Variants in PROS1 observed in about 807,000 individuals in gnomAD.
The protein encoded by PROS1 is vitamin K-dependent protein S.
Under a neutral mutation model 75.9 loss-of-function variants are expected in PROS1, and 29 were observed. The ratio of observed to expected loss-of-function variants is 0.38; its 90% CI spans 0.28 to 0.52. The LOEUF is 0.52. PROS1 is among the 20% of genes least tolerant of loss of function. The pLI is 0.83. For missense variants in PROS1, 680 were observed against 810.3 expected, an observed-to-expected ratio of 0.84 and a Z score of 1.95; for synonymous variants, 245 against 280.6, an observed-to-expected ratio of 0.87 and a Z score of 1.27.
At position 93,910,692 on chromosome 3, in the gene PROS1, A is replaced by T; in HGVS notation, c.273T>A (p.Ser91=). Residue 91 remains serine, a synonymous_variant, in exon 4 of 15, where the codon TCT becomes TCA. Coordinates refer to ENST00000394236, the MANE Select transcript of PROS1 (RefSeq NM_000313.4). ...FYPKYLVCLR[S]FQTGLFTAAR... ...CAGCAGTGAATAACCCAGTTTGAAA[A>T]GAGCGAAGACAAACTGAAAATAAAA... 1 of 1,612,782 alleles carries T rather than the reference A, an allele frequency of 6.2e-7. No individual in the cohort carries two copies. Among genetic ancestry groups the T allele is most frequent in the Non-Finnish European group, 8.5e-7 (1 of 1,179,084 alleles).
intron 1 of PROS1, among the ~76,000 whole-genome samples, chr3:93,938,611 C>G (rs1254475747): frequency 6.6e-6 from 1 of 152,186 alleles, no homozygotes; most frequent in Non-Finnish European, 1.5e-5. Flanking sequence ...ACTCTCTTCT[C>G]CAGCCTCTCT....
chr3:93,941,673 C>G (rs867029704), intron 1 of PROS1, among the ~76,000 whole-genome samples: 14 of 152,280 alleles, frequency 9.2e-5, no homozygotes, highest in Middle Eastern at 6.8e-3. Context: ...CAGGGCTGTG[C>G]AGTTGGAATT....
rs1323434326 is a variant in PROS1, at chr3:93,942,404, C to T, written c.77-14997G>A. Among the ~76,000 whole-genome samples, 4 of 152,180 alleles carry T rather than the reference C, an allele frequency of 2.6e-5. No homozygotes were observed. The East Asian group carries it at 7.7e-4, about 29-fold the overall frequency. On this transcript the variant is annotated intron_variant, in intron 1 of 14. Transcript: ENST00000394236. ...CATTAATGCCTCTTTAATGAAAACT[C>T]TTCTCAAGGCTGCTTTACTTCCAAA...
At chr3:93,889,151 C>T (rs1427233427) in intron 10 of PROS1, among the ~76,000 whole-genome samples, 6 of 152,144 alleles carry the variant, frequency 3.9e-5, no homozygotes, top group Non-Finnish European at 8.8e-5. Context: ...ATCAGAGATG[C>T]CTTTCCTGAT....
chr3:93,954,558 C>A (rs1056952180), intron 1 of PROS1, among the ~76,000 whole-genome samples: 1 of 152,120 alleles, frequency 6.6e-6, no homozygotes, highest in African/African-American at 2.4e-5. Flanking sequence ...TTCCTTACAC[C>A]TTATACAAAA....
intron 1 of PROS1, among the ~76,000 whole-genome samples, chr3:93,956,145 T>TA: frequency 1.3e-5 from 2 of 152,284 alleles, no homozygotes; most frequent in East Asian, 3.9e-4. Context: ...TATTCAAAGG[T>TA]ATCTACAAAT....
At chr3:93,883,300 A>T (rs1381661101) in intron 12 of PROS1, among the ~76,000 whole-genome samples, 1 of 152,156 alleles carries the variant, frequency 6.6e-6, no homozygotes, top group Non-Finnish European at 1.5e-5. Flanking sequence ...CTGAGCTGCT[A>T]TGATGAAAAA....
chr3:93,936,050 A>T (rs1709178135), intron 1 of PROS1, among the ~76,000 whole-genome samples: 1 of 150,442 alleles, frequency 6.6e-6, no homozygotes. Context: ...TTTTCATTGT[A>T]CTTGGCAAGG....
chr3:93,919,030 TA>T (rs1708905000), intron 3 of PROS1, among the ~76,000 whole-genome samples: 1 of 152,196 alleles, frequency 6.6e-6, no homozygotes. Flanking sequence ...TACTAACCAC[TA>T]AGTGTTACAC....
intron 1 of PROS1, among the ~76,000 whole-genome samples, chr3:93,947,727 C>A (rs534556697): frequency 1.3e-5 from 2 of 151,938 alleles, no homozygotes; most frequent in South Asian, 2.1e-4. Flanking sequence ...CCACCACACC[C>A]GGCTAATTTT....
chr3:93,968,366 G>C (rs1179337972), intron 1 of PROS1, among the ~76,000 whole-genome samples: 3 of 152,162 alleles, frequency 2.0e-5, no homozygotes, highest in African/African-American at 7.2e-5. Context: ...AGGAACATCT[G>C]AGGTTACCAG....
intron 2 of PROS1, 144 bp from the exon 3 acceptor site, chr3:93,924,408 TA>T: frequency 2.5e-6 from 1 of 400,192 alleles, no homozygotes; most frequent in South Asian, 7.9e-5. Context: ...TTTTATATAG[TA>T]AAATATACCA....
chr3:93,955,980 T>C (rs771111244), intron 1 of PROS1, among the ~76,000 whole-genome samples: 1 of 152,200 alleles, frequency 6.6e-6, no homozygotes, highest in African/African-American at 2.4e-5. Flanking sequence ...CCTGACTATA[T>C]AACAGAAGAT....
At chr3:93,877,959 T>G (rs939622268) in intron 13 of PROS1, among the ~76,000 whole-genome samples, 4 of 152,192 alleles carry the variant, frequency 2.6e-5, no homozygotes, top group Non-Finnish European at 5.9e-5. Context: ...GTTATTGTGT[T>G]GTACATGTCC....
intron 1 of PROS1, among the ~76,000 whole-genome samples, chr3:93,946,292 T>C (rs1025873960): frequency 3.3e-5 from 5 of 152,100 alleles, no homozygotes; most frequent in African/African-American, 1.2e-4. Flanking sequence ...CTTCACAGAA[T>C]CAGAAGAAAC....
intron 1 of PROS1, among the ~76,000 whole-genome samples, chr3:93,948,638 T>C (rs1441015681): frequency 3.9e-5 from 6 of 152,200 alleles, no homozygotes; most frequent in Admixed American, 6.5e-5. Flanking sequence ...ATAAAGACTA[T>C]TTAGAACAAT....
At chr3:93,937,453 C>T (rs1419402073) in intron 1 of PROS1, among the ~76,000 whole-genome samples, 7 of 151,496 alleles carry the variant, frequency 4.6e-5, no homozygotes, top group Admixed American at 1.3e-4. Context: ...CTGCAAGCTC[C>T]GCCTCCTGGG....
intron 3 of PROS1, among the ~76,000 whole-genome samples, chr3:93,920,311 A>G (rs1295526460): frequency 6.6e-6 from 1 of 152,142 alleles, no homozygotes. Context: ...TCAATTCAAG[A>G]TCATGAAATA....
intron 3 of PROS1, among the ~76,000 whole-genome samples, chr3:93,918,257 A>C (rs1371139344): frequency 1.3e-5 from 2 of 152,112 alleles, no homozygotes; most frequent in African/African-American, 4.8e-5. Flanking sequence ...CAGGGATTGT[A>C]AACGCACCAA....
Sources: allele counts gnomAD v4.1 joint callset (sites outside exome capture counted in the v4.1 genomes callset), GRCh38; gene constraint gnomAD v4.1.1; transcripts MANE v1.5; gene names NCBI Gene and HGNC (gene_info 2026-07-23, HGNC 2026-07-21).